The following CDHR3 variants were observed in gnomAD, a reference collection of about 807,000 sequenced individuals.
CDHR3 encodes cadherin related family member 3.
A neutral mutation model predicts 86.6 loss-of-function variants in CDHR3; 79 were observed. That is an observed-to-expected ratio of 0.91 (90% CI 0.76 to 1.10). The LOEUF (loss-of-function observed/expected upper bound fraction) is 1.10. Ranked by LOEUF, CDHR3 falls within the 50% of genes least tolerant of loss-of-function variation. The probability of loss-of-function intolerance (pLI) is 0.00; values close to 1 mark genes in which losing one functional copy is unlikely to be tolerated. For missense variants in CDHR3, 1,081 were observed against 1,077.6 expected (o/e 1.00, Z -0.04); for synonymous variants, 421 against 402.4 (o/e 1.05, Z -0.55).
chr7:105,965,574 C>CCCCG (rs1479781563), intron 1 of CDHR3, among the ~76,000 whole-genome samples: 2 of 121,654 alleles, frequency 1.6e-5, no homozygotes, highest in African/African-American at 2.7e-5. Flanking sequence ...CCCACCCCCC[C>CCCCG]CCATGGAGTC....
rs1838814316 is a variant in CDHR3, at chr7:106,035,154, AG to A, written c.*2460del. ...CTGGTCTTTCTTCTCCAGTGATGAC[AG>A]GGCAAGAGGGAATTGTGCTTAATGG... is the stretch of plus-strand genomic sequence containing the variant. On this transcript the variant is annotated 3_prime_UTR_variant, in exon 19 of 19. Coordinates refer to ENST00000317716, the MANE Select transcript of CDHR3 (RefSeq NM_152750.5). 6.6e-6 allele frequency among the ~76,000 whole-genome samples: 1 copy of A among 152,072 alleles called. No individual in the cohort carries two copies. Among genetic ancestry groups the A allele is most frequent in the Non-Finnish European group, 1.5e-5 (1 of 68,006 alleles).
At chr7:105,992,106 C>T (rs1007237631) in intron 4 of CDHR3, among the ~76,000 whole-genome samples, 2 of 152,166 alleles carry the variant, frequency 1.3e-5, no homozygotes, top group Non-Finnish European at 2.9e-5. Flanking sequence ...GAGCACCTCC[C>T]CAAACCTTTG....
Position 105,963,323 on chromosome 7 carries a change from A to G in CDHR3, c.5A>G (p.Gln2Arg), listed in dbSNP as rs368790026. ...GCACAGTTGTGACCATCAAGTATGC[A>G]GGAAGCAATCATTCTCCTGGCTCTC... is the stretch of plus-strand genomic sequence containing the variant. M[Q>R]EAIILLALLG... Residue 2 changes from glutamine (Q) to arginine (R), a missense_variant, in exon 1 of 19, where the codon CAG (glutamine) becomes CGG (arginine). Physicochemically the swap from Gln to Arg is conservative, Grantham distance 43. Transcript: ENST00000317716. 3.0e-5 allele frequency: 49 copies of G among 1,614,058 alleles called. No individual in the cohort carries two copies. The African/African-American group carries it at 5.1e-4, about 17-fold the overall frequency.
rs201675967 is a variant in CDHR3 at position 106,028,425 on chromosome 7, A to G, written c.2273-126A>G. The G allele has an allele frequency of 2.2e-3, 2,272 of 1,051,050 alleles. 6 individuals carry two copies. The highest frequency in any genetic ancestry group is 4.0e-3 in the Middle Eastern group (20 of 5,000). The allele number at this position is 1,051,050 out of a possible 1,614,324, so 65.1% of individuals were successfully genotyped here. A position where few individuals can be genotyped will look rare whatever the true frequency, so the allele number is the denominator to read the frequency against. ...AAGAAACATATCTATAGACAGAACAATTCTTTGCTGTGTCTGCAAGACTGA... is the reference window on the plus strand; with the variant it reads ...AAGAAACATATCTATAGACAGAACAGTTCTTTGCTGTGTCTGCAAGACTGA... On this transcript the variant is annotated intron_variant, in intron 16 of 18. Transcript: ENST00000317716.
At position 106,015,093 on chromosome 7, in the gene CDHR3, A is replaced by T. The variant is rs774496492; in HGVS notation, c.1225-18A>T. 29 of 1,563,606 alleles carry T rather than the reference A, an allele frequency of 1.9e-5. No individual in the cohort carries two copies. The highest frequency in any genetic ancestry group is 8.9e-5 in the Admixed American group (5 of 56,048). ...GATTGTTTAATCTGTATAATCTACT[A>T]TCTCTGTTTTAATCTAGCTGATTGG... On this transcript the variant is annotated intron_variant, in intron 9 of 18. Coordinates refer to ENST00000317716, the MANE Select transcript of CDHR3 (RefSeq NM_152750.5).
At chr7:105,980,659 G>A (rs1232120884) in intron 2 of CDHR3, among the ~76,000 whole-genome samples, 1 of 109,974 alleles carries the variant, frequency 9.1e-6, no homozygotes, top group African/African-American at 3.6e-5. Context: ...AAGTTTTAGT[G>A]TACATGTGCA....
intron 9 of CDHR3, among the ~76,000 whole-genome samples, chr7:106,014,224 C>T (rs553043012): frequency 7.3e-4 from 111 of 152,328 alleles, no homozygotes; most frequent in Non-Finnish European, 1.2e-3. Flanking sequence ...GCATGAGCTA[C>T]TGTGCCTAGC....
chr7:106,018,252 T>C (rs1420571085), intron 12 of CDHR3, among the ~76,000 whole-genome samples, 180 bp downstream of exon 12: 1 of 152,184 alleles, frequency 6.6e-6, no homozygotes, highest in African/African-American at 2.4e-5. Flanking sequence ...TTTTTTCGTT[T>C]TTGAGGCAGG....
intron 15 of CDHR3, among the ~76,000 whole-genome samples, chr7:106,026,007 T>A (rs949466199): frequency 1.3e-5 from 2 of 152,228 alleles, no homozygotes; most frequent in African/African-American, 4.8e-5. Context: ...GGCTAAACGT[T>A]AAATATGCAC....
rs754156071 is a variant in CDHR3 at position 106,004,686 on chromosome 7, A to T, written c.1051A>T (p.Ser351Cys). 1 of 1,613,990 alleles carries T rather than the reference A, an allele frequency of 6.2e-7. No homozygotes were observed. Among genetic ancestry groups the T allele is most frequent in the Non-Finnish European group, 8.5e-7 (1 of 1,179,876 alleles). Residue 351 changes from serine (S) to cysteine (C), a missense_variant and splice_region_variant, in exon 8 of 19, where the codon AGC (serine) becomes TGC (cysteine). By Grantham distance (112) the Ser-to-Cys change is moderately radical. Transcript: ENST00000317716. ...TGCCACATGCCAAAAGTTCACCTTC[A>T]GGTATGCACACTTTGAAAGTTGGGC... ...NPATCQKFTF[S>C]IMVPERTAKG...
At position 106,001,580 on chromosome 7, in the gene CDHR3, A is replaced by T. The variant is rs762849999; in HGVS notation, c.832A>T (p.Thr278Ser). The T allele has an allele frequency of 4.3e-6, 7 of 1,613,818 alleles. No homozygotes were observed. In the Admixed American group the frequency reaches 1.2e-4, roughly 27 times the overall value. Reference protein sequence around the residue: ...FPSHLLYSITTVSKYFMINQL... With the variant: ...FPSHLLYSITSVSKYFMINQL... ...CAGCCACCTCCTCTACAGCATTACC[A>T]CTGTTAGCAAATATTTCATGATAAA... The change falls in exon 7 of 19, where the codon ACT becomes TCT. Residue 278 changes from threonine (T) to serine (S), a missense_variant. Physicochemically the swap from Thr to Ser is moderately conservative, Grantham distance 58. Transcript: ENST00000317716.
chr7:106,001,354 C>A, intron 6 of CDHR3, 108 bp from the exon 7 acceptor site: 3 of 1,226,622 alleles, frequency 2.4e-6, no homozygotes, highest in Non-Finnish European at 3.5e-6. Context: ...GTTGATGCAA[C>A]TTGAACAGCT....
intron 6 of CDHR3, among the ~76,000 whole-genome samples, chr7:105,997,553 G>T (rs17288241): frequency 3.3e-5 from 5 of 151,922 alleles, no homozygotes; most frequent in Admixed American, 6.5e-5. Flanking sequence ...ATCCCAGCCC[G>T]GACTCAGGCT....
At chr7:105,980,912 C>A in intron 2 of CDHR3, 56 bp from the exon 3 acceptor site, 2 of 1,486,390 alleles carry the variant, frequency 1.3e-6, no homozygotes, top group South Asian at 1.2e-5. Flanking sequence ...AAAGTGCATG[C>A]ATGCAAAACA....
At chr7:105,973,670 A>T (rs775196595) in intron 1 of CDHR3, among the ~76,000 whole-genome samples, 25 of 152,176 alleles carry the variant, frequency 1.6e-4, no homozygotes, top group Admixed American at 9.8e-4. Flanking sequence ...TCTATTTCCA[A>T]ATAAGATCAT....
chr7:105,966,265 C>A (rs994091845), intron 1 of CDHR3, among the ~76,000 whole-genome samples: 4 of 152,132 alleles, frequency 2.6e-5, no homozygotes, highest in Non-Finnish European at 4.4e-5. Flanking sequence ...TCCAAGGAAC[C>A]AGCTTTTGTA....
chr7:105,969,356 C>T (rs1413715106), intron 1 of CDHR3, among the ~76,000 whole-genome samples: 12 of 142,304 alleles, frequency 8.4e-5, no homozygotes, highest in Non-Finnish European at 1.2e-4. Context: ...GCCGAGATTG[C>T]GCCACTGCAC....
intron 3 of CDHR3, among the ~76,000 whole-genome samples, chr7:105,981,646 G>A (rs1209310920): frequency 1.3e-5 from 2 of 152,146 alleles, no homozygotes; most frequent in Admixed American, 6.5e-5. Flanking sequence ...TGTCATTTCA[G>A]TTCAGGTTCT....
chr7:105,991,462 G>A (rs1199616658), intron 4 of CDHR3, among the ~76,000 whole-genome samples: 1 of 152,060 alleles, frequency 6.6e-6, no homozygotes, highest in African/African-American at 2.4e-5. Flanking sequence ...CATGTGCCTA[G>A]TTCTACAGTT....
Sources: allele counts gnomAD v4.1 joint callset (sites outside exome capture counted in the v4.1 genomes callset), GRCh38; gene constraint gnomAD v4.1.1; transcripts MANE v1.5; gene names NCBI Gene and HGNC (gene_info 2026-07-23, HGNC 2026-07-21).